The following GPBP1 variants were observed in gnomAD, a reference collection of about 807,000 sequenced individuals.
The protein encoded by GPBP1 is vasculin.
Under a neutral mutation model 56.5 loss-of-function variants are expected in GPBP1, and 13 were observed. That is an observed-to-expected ratio of 0.23 (90% CI 0.15 to 0.37). The LOEUF is 0.37. Among genes scored for constraint, GPBP1 ranks in the 10% least tolerant of loss-of-function variants. GPBP1 has a pLI of 1.00. For missense variants in GPBP1, 477 were observed against 572.3 expected (o/e 0.83, Z 1.70); for synonymous variants, 204 against 188.9 (o/e 1.08, Z -0.66).
intron 2 of GPBP1, among the ~76,000 whole-genome samples, chr5:57,195,980 CAAAAAAAA>C (rs1181097227): frequency 3.4e-5 from 1 of 29,748 alleles, no homozygotes; most frequent in Non-Finnish European, 5.4e-5. Context: ...AACTCCATCT[CAAAAAAAA>C]AAAAAAAAAA....
At chr5:57,198,083 A>T (rs1005584637) in intron 2 of GPBP1, among the ~76,000 whole-genome samples, 3 of 152,080 alleles carry the variant, frequency 2.0e-5, no homozygotes, top group Non-Finnish European at 2.9e-5. Flanking sequence ...GCTTATATTC[A>T]TGTAGACAAC....
chr5:57,204,085 G>GT (rs1561336254), intron 2 of GPBP1, among the ~76,000 whole-genome samples: 3 of 152,178 alleles, frequency 2.0e-5, no homozygotes, highest in African/African-American at 7.2e-5. Context: ...AGGGAAGTCT[G>GT]TAGATCACTT....
Position 57,214,182 on chromosome 5 carries a change from T to C in GPBP1, c.52T>C (p.Ser18Pro). Residue 18 changes from serine to proline, a missense_variant, in exon 3 of 12, where the codon TCA (serine) becomes CCA (proline). Ser to Pro is a moderately conservative substitution (Grantham distance 74). Transcript: ENST00000506184. ...CTGGCTTAATTTCCCTACTCCACCATCATCAACAAAGGTACTCTTTCTGCA... is the reference window on the plus strand; with the variant it reads ...CTGGCTTAATTTCCCTACTCCACCACCATCAACAAAGGTACTCTTTCTGCA... ...PAWLNFPTPP[S>P]STKSSLNFEK... 1.2e-6 allele frequency: 2 copies of C among 1,612,704 alleles called. No individual in the cohort carries two copies. The highest frequency in any genetic ancestry group is 1.7e-6 in the Non-Finnish European group (2 of 1,178,744).
chr5:57,241,291 A>G (rs1187751863), intron 6 of GPBP1, among the ~76,000 whole-genome samples: 1 of 152,238 alleles, frequency 6.6e-6, no homozygotes, highest in East Asian at 1.9e-4. Flanking sequence ...ATGTGGCAGT[A>G]TTTTTGTTCT....
intron 2 of GPBP1, among the ~76,000 whole-genome samples, chr5:57,177,456 A>C (rs1753833962): frequency 6.6e-6 from 1 of 151,974 alleles, no homozygotes; most frequent in African/African-American, 2.4e-5. Context: ...ATTTCAATTA[A>C]TTGTCTTTCT....
At chr5:57,215,591 C>T (rs1247132855) in intron 3 of GPBP1, among the ~76,000 whole-genome samples, 1 of 152,308 alleles carries the variant, frequency 6.6e-6, no homozygotes, top group Middle Eastern at 3.4e-3. Context: ...GCTCTCCTTA[C>T]GTATCTCTTT....
chr5:57,199,220 ATTC>A (rs1366955170), intron 2 of GPBP1, among the ~76,000 whole-genome samples: 1 of 152,200 alleles, frequency 6.6e-6, no homozygotes, highest in African/African-American at 2.4e-5. Flanking sequence ...AACTAGCGAT[ATTC>A]TTGTTTTGTA....
chr5:57,188,712 C>T (rs1754394743), intron 2 of GPBP1, among the ~76,000 whole-genome samples: 1 of 152,206 alleles, frequency 6.6e-6, no homozygotes, highest in Non-Finnish European at 1.5e-5. Flanking sequence ...CACTGCACTC[C>T]AGCCTGGGCG....
At chr5:57,255,514 A>T (rs1741618342) in intron 10 of GPBP1, among the ~76,000 whole-genome samples, 1 of 152,270 alleles carries the variant, frequency 6.6e-6, no homozygotes, top group African/African-American at 2.4e-5. Context: ...TGTAGAAAGG[A>T]GAATAAAACA....
At position 57,213,510 on chromosome 5, in the gene GPBP1, TTC is replaced by T. The variant is rs534550853; in HGVS notation, c.-57-562_-57-561del. ...AAGATTGATTTGTTCACATAAAGGATTCTTAGTTCATCTGCCCATTAAAAGCC... is the reference window on the plus strand; with the variant it reads ...AAGATTGATTTGTTCACATAAAGGATTTAGTTCATCTGCCCATTAAAAGCC... On this transcript the variant is annotated intron_variant, in intron 2 of 11. Coordinates refer to ENST00000506184, the MANE Select transcript of GPBP1 (RefSeq NM_022913.4). Among the ~76,000 whole-genome samples the T allele has an allele frequency of 1.6e-4, 24 of 152,180 alleles. No homozygotes were observed. In the South Asian group the frequency reaches 3.3e-3, roughly 21 times the overall value.
At chr5:57,257,316 T>C (rs1183486201) in intron 10 of GPBP1, among the ~76,000 whole-genome samples, 3 of 152,250 alleles carry the variant, frequency 2.0e-5, no homozygotes, top group African/African-American at 7.2e-5. Flanking sequence ...ATTACAGGCG[T>C]GAGCCACTGC....
intron 3 of GPBP1, among the ~76,000 whole-genome samples, chr5:57,219,468 T>A (rs1291800418): frequency 2.2e-5 from 3 of 133,348 alleles, no homozygotes; most frequent in Non-Finnish European, 5.0e-5. Flanking sequence ...ATAATTAAAA[T>A]TTAAAAAAAA....
chr5:57,204,184 A>G (rs891508727), intron 2 of GPBP1, among the ~76,000 whole-genome samples: 1 of 152,216 alleles, frequency 6.6e-6, no homozygotes, highest in Non-Finnish European at 1.5e-5. Flanking sequence ...TAAAAATGTC[A>G]TAGTTTTTAA....
At chr5:57,257,477 A>T (rs1006401369) in intron 10 of GPBP1, among the ~76,000 whole-genome samples, 12 of 152,250 alleles carry the variant, frequency 7.9e-5, no homozygotes, top group Non-Finnish European at 7.3e-5. Context: ...CATCAAAGGG[A>T]TACAGTTGTC....
intron 2 of GPBP1, among the ~76,000 whole-genome samples, chr5:57,184,237 GA>G (rs201483548): frequency 0.011 from 1,741 of 151,752 alleles, 32 homozygotes; most frequent in African/African-American, 0.04. Context: ...GTCTCAAAGG[GA>G]AAAAAAATTA....
At chr5:57,197,392 C>T (rs1318468623) in intron 2 of GPBP1, among the ~76,000 whole-genome samples, 3 of 145,054 alleles carry the variant, frequency 2.1e-5, no homozygotes, top group Non-Finnish European at 3.0e-5. Flanking sequence ...AGTCTCGCTC[C>T]GTCGCTCATG....
chr5:57,205,983 T>C (rs1755216224), intron 2 of GPBP1, among the ~76,000 whole-genome samples: 1 of 152,214 alleles, frequency 6.6e-6, no homozygotes, highest in East Asian at 1.9e-4. Context: ...CCCAGGTTAG[T>C]CTCAAACTCC....
At chr5:57,184,329 T>C (rs899945506) in intron 2 of GPBP1, among the ~76,000 whole-genome samples, 2 of 152,140 alleles carry the variant, frequency 1.3e-5, no homozygotes, top group Non-Finnish European at 2.9e-5. Context: ...CTGGATAATT[T>C]ATAGAGAAAA....
intron 10 of GPBP1, among the ~76,000 whole-genome samples, chr5:57,259,276 G>A (rs1348020375): frequency 6.6e-6 from 1 of 152,176 alleles, no homozygotes; most frequent in Non-Finnish European, 1.5e-5. Flanking sequence ...GATTGTTCAT[G>A]TGTAAAATGT....
Sources: allele counts gnomAD v4.1 joint callset (sites outside exome capture counted in the v4.1 genomes callset), GRCh38; gene constraint gnomAD v4.1.1; transcripts MANE v1.5; gene names NCBI Gene and HGNC (gene_info 2026-07-23, HGNC 2026-07-21).